The following ZC4H2 variants were observed in gnomAD, a reference collection of about 807,000 sequenced individuals.
The protein encoded by ZC4H2 is zinc finger C4H2-type containing.
For synonymous variants in ZC4H2, 84 were observed against 66.3 expected, an observed-to-expected ratio of 1.27 and a Z score of -1.30; for missense variants, 137 against 173.9, an observed-to-expected ratio of 0.79 and a Z score of 1.19.
chrX:64,972,395 A>T (rs997003554), intron 1 of ZC4H2, among the ~76,000 whole-genome samples: 20 of 111,381 alleles, frequency 1.8e-4, no homozygotes, highest in African/African-American at 6.5e-4. Flanking sequence ...TCTTAGCTTG[A>T]CTTCAATAGG....
rs776690547 is a variant in ZC4H2, at chrX:64,919,075, C to T, written c.528G>A (p.Thr176=). 33 of 1,177,504 alleles carry T rather than the reference C, an allele frequency of 2.8e-5. No homozygotes were observed. Among genetic ancestry groups the T allele is most frequent in the South Asian group, 1.2e-4 (6 of 51,768 alleles). The change falls in exon 4 of 5, where the codon ACG becomes ACA. Residue 176 remains threonine (T), a synonymous_variant. Transcript: ENST00000374839. The part of the protein sequence containing the change: ...QVARKQDTRQ[T]ATFRQQPPPM... The stretch of plus-strand genomic sequence containing the variant: ...GTGGGGGCTGCTGCCTGAAGGTGGC[C>T]GTCTGCCGAGTATCCTGCTTCCTAG...
chrX:64,933,351 G>T (rs1282658388), intron 1 of ZC4H2, among the ~76,000 whole-genome samples: 3 of 111,220 alleles, frequency 2.7e-5, no homozygotes, highest in Non-Finnish European at 5.7e-5. Context: ...TTCTTTATCT[G>T]GCACTTCAGA....
intron 1 of ZC4H2, among the ~76,000 whole-genome samples, chrX:64,959,784 A>G (rs1017654001): frequency 9.0e-6 from 1 of 110,516 alleles, no homozygotes; most frequent in South Asian, 3.9e-4. Context: ...CACCACCACA[A>G]CTGTATCCTG....
intron 1 of ZC4H2, among the ~76,000 whole-genome samples, chrX:65,016,278 G>T (rs917275409): frequency 3.4e-4 from 38 of 111,381 alleles, no homozygotes; most frequent in African/African-American, 1.1e-3. Context: ...TCTTAAGTGG[G>T]AATCACCTGG....
At chrX:64,922,575 C>T (rs1380435863) in intron 1 of ZC4H2, among the ~76,000 whole-genome samples, 1 of 112,429 alleles carries the variant, frequency 8.9e-6, no homozygotes, top group Non-Finnish European at 1.9e-5. Flanking sequence ...AAATGTGTTA[C>T]TGGCATTTAG....
chrX:64,970,370 C>G (rs6624135), intron 1 of ZC4H2, among the ~76,000 whole-genome samples: 3 of 110,864 alleles, frequency 2.7e-5, no homozygotes, highest in African/African-American at 9.8e-5. Flanking sequence ...TTCCAGTTGT[C>G]CTGTGCCTTG....
chrX:64,962,230 T>G (rs1931422462), intron 1 of ZC4H2, among the ~76,000 whole-genome samples: 1 of 111,641 alleles, frequency 9.0e-6, no homozygotes, highest in African/African-American at 3.2e-5. Context: ...GTGGAATTTA[T>G]CCCTGTGATG....
chrX:64,949,146 T>C (rs1291514616), intron 1 of ZC4H2, among the ~76,000 whole-genome samples: 1 of 111,690 alleles, frequency 9.0e-6, no homozygotes, highest in South Asian at 3.7e-4. Flanking sequence ...TCTTAAGAAT[T>C]AGGGTTAACA....
At chrX:64,989,446 G>A (rs1932265271) in intron 1 of ZC4H2, among the ~76,000 whole-genome samples, 1 of 111,784 alleles carries the variant, frequency 8.9e-6, no homozygotes, top group Non-Finnish European at 1.9e-5. Context: ...TCCCTTGTAA[G>A]TTGGATTCCT....
At chrX:64,935,735 C>T (rs1190760791) in intron 1 of ZC4H2, among the ~76,000 whole-genome samples, 1 of 111,579 alleles carries the variant, frequency 9.0e-6, no homozygotes, top group South Asian at 3.7e-4. Context: ...CAGAGGGGCC[C>T]GACTGTTAGA....
At chrX:64,982,245 C>A (rs1932097236) in intron 1 of ZC4H2, among the ~76,000 whole-genome samples, 1 of 112,034 alleles carries the variant, frequency 8.9e-6, no homozygotes, top group South Asian at 3.8e-4. Context: ...CCGTTTCTAA[C>A]AGCCTCCTTT....
chrX:64,938,611 G>C (rs181796041), intron 1 of ZC4H2, among the ~76,000 whole-genome samples: 2 of 111,547 alleles, frequency 1.8e-5, no homozygotes, highest in East Asian at 5.6e-4. Context: ...TCCATACCTG[G>C]GATGCAAAGT....
At chrX:65,016,350 T>C (rs1333764316) in intron 1 of ZC4H2, among the ~76,000 whole-genome samples, 3 of 111,941 alleles carry the variant, frequency 2.7e-5, no homozygotes, top group African/African-American at 9.8e-5. Flanking sequence ...TGATGCTGCT[T>C]CTTTACCCTA....
chrX:65,025,981 G>T (rs1373711459), intron 1 of ZC4H2, among the ~76,000 whole-genome samples: 2 of 111,998 alleles, frequency 1.8e-5, no homozygotes, highest in African/African-American at 3.2e-5. Context: ...ATGCCAGTCT[G>T]CTTAGGTACA....
At chrX:64,947,997 A>G (rs1930619573) in intron 1 of ZC4H2, among the ~76,000 whole-genome samples, 1 of 111,012 alleles carries the variant, frequency 9.0e-6, no homozygotes, top group African/African-American at 3.3e-5. Flanking sequence ...TTTTTCTTTT[A>G]ACAGATGATG....
At chrX:64,998,868 C>G (rs988138201) in intron 1 of ZC4H2, among the ~76,000 whole-genome samples, 1 of 109,031 alleles carries the variant, frequency 9.2e-6, no homozygotes, top group Admixed American at 9.8e-5. Context: ...TTCTTTGTCT[C>G]TTATAATCAT....
At chrX:64,948,590 A>T (rs1930650358) in intron 1 of ZC4H2, among the ~76,000 whole-genome samples, 1 of 111,942 alleles carries the variant, frequency 8.9e-6, no homozygotes, top group Non-Finnish European at 1.9e-5. Context: ...AGTCTAACAG[A>T]AATGATGAAA....
At chrX:64,920,701 C>T (rs967660059) in intron 2 of ZC4H2, among the ~76,000 whole-genome samples, 7 of 112,080 alleles carry the variant, frequency 6.2e-5, no homozygotes, top group South Asian at 3.7e-4. Flanking sequence ...TTAGGGCTTC[C>T]GCCTCCCAGG....
In ZC4H2 at chrX:64,947,767, T is replaced by C. The variant is rs946814298; in HGVS notation, c.54-25779A>G. Among the ~76,000 whole-genome samples, 22 of 111,793 alleles carry C rather than the reference T, an allele frequency of 2.0e-4. No homozygotes were observed. In the Admixed American group the frequency reaches 2.1e-3, roughly 11 times the overall value. On this transcript the variant is annotated intron_variant, in intron 1 of 4. Coordinates refer to ENST00000374839, the MANE Select transcript of ZC4H2 (RefSeq NM_018684.4). Reference sequence around the variant, plus strand: ...CTGATACGCTGCTGAGTGTTCAAACTGTGAATAATGCAAACACTGAGCTGT... The same window carrying C: ...CTGATACGCTGCTGAGTGTTCAAACCGTGAATAATGCAAACACTGAGCTGT...
Sources: gnomAD v4.1 joint callset for allele counts (sites outside exome capture counted in the v4.1 genomes callset) on GRCh38, gnomAD v4.1.1 for gene constraint, MANE v1.5 for transcripts, NCBI Gene and HGNC (gene_info 2026-07-23, HGNC 2026-07-21) for gene names.